The following MAP3K13 variants were observed in gnomAD, a reference collection of about 807,000 sequenced individuals.
MAP3K13 encodes the protein mitogen-activated protein kinase kinase kinase 13.
A neutral mutation model predicts 104.0 loss-of-function variants in MAP3K13; 52 were observed. That is an observed-to-expected ratio of 0.50 (90% confidence interval 0.40 to 0.63). The LOEUF (loss-of-function observed/expected upper bound fraction) is 0.63, where lower values mean the gene tolerates loss of function less well. Among genes scored for constraint, MAP3K13 ranks in the 20% least tolerant of loss-of-function variants. The pLI, the probability that MAP3K13 is intolerant of heterozygous loss-of-function variation, is 0.00. For missense variants in MAP3K13, 914 were observed against 1,218.5 expected, an observed-to-expected ratio of 0.75 and a Z score of 3.72; for synonymous variants, 394 against 442.2, an observed-to-expected ratio of 0.89 and a Z score of 1.37.
intron 2 of MAP3K13, among the ~76,000 whole-genome samples, chr3:185,335,160 T>C (rs1722436579): frequency 6.6e-6 from 1 of 152,186 alleles, no homozygotes. Context: ...TCTTAGGACC[T>C]TTAATATGTT....
At chr3:185,416,119 A>G (rs558672122) in intron 1 of MAP3K13, among the ~76,000 whole-genome samples, 1 of 152,192 alleles carries the variant, frequency 6.6e-6, no homozygotes, top group Non-Finnish European at 1.5e-5. Context: ...CTCACTGTTT[A>G]TTGATTCTTT....
At chr3:185,478,910 C>T (rs924456473) in intron 12 of MAP3K13, among the ~76,000 whole-genome samples, 1 of 151,516 alleles carries the variant, frequency 6.6e-6, no homozygotes, top group African/African-American at 2.4e-5. Context: ...AAACAAAACT[C>T]TTTAGACTAA....
At chr3:185,414,378 G>A (rs776422040) in intron 1 of MAP3K13, among the ~76,000 whole-genome samples, 4 of 152,148 alleles carry the variant, frequency 2.6e-5, no homozygotes, top group African/African-American at 7.2e-5. Flanking sequence ...GAGGCTAGAC[G>A]GTGGGAAAAG....
chr3:185,334,913 A>G (rs532025194), intron 2 of MAP3K13, among the ~76,000 whole-genome samples: 8 of 152,016 alleles, frequency 5.3e-5, no homozygotes, highest in Non-Finnish European at 1.0e-4. Flanking sequence ...CCAGCCAACA[A>G]ATGGATTTTC....
intron 7 of MAP3K13, among the ~76,000 whole-genome samples, chr3:185,455,831 A>AGATATATAT (rs1466937216): frequency 1.9e-4 from 19 of 99,896 alleles, no homozygotes; most frequent in Non-Finnish European, 2.6e-4. Context: ...GATATATATG[A>AGATATATAT]GATATATATA....
intron 1 of MAP3K13, among the ~76,000 whole-genome samples, chr3:185,382,776 C>T (rs1027433974): frequency 2.0e-5 from 3 of 152,044 alleles, no homozygotes; most frequent in Non-Finnish European, 2.9e-5. Flanking sequence ...TAGGCCGAGG[C>T]GGGTGGATCA....
At chr3:185,456,678 T>C (rs1230128526) in intron 7 of MAP3K13, among the ~76,000 whole-genome samples, 1 of 141,882 alleles carries the variant, frequency 7.0e-6, no homozygotes, top group Non-Finnish European at 1.5e-5. Flanking sequence ...CTCTGCTCAC[T>C]GCAGCCTCCA....
At chr3:185,427,324 A>G (rs1187488359) in intron 1 of MAP3K13, among the ~76,000 whole-genome samples, 1 of 152,074 alleles carries the variant, frequency 6.6e-6, no homozygotes, top group Non-Finnish European at 1.5e-5. Flanking sequence ...AGATCACACC[A>G]CTGTACTCCA....
chr3:185,416,893 GAGTAC>G (rs1713813343), intron 1 of MAP3K13, among the ~76,000 whole-genome samples: 1 of 151,922 alleles, frequency 6.6e-6, no homozygotes, highest in Non-Finnish European at 1.5e-5. Context: ...AAAGTGCTGG[GAGTAC>G]AGGCATGAGC....
intron 2 of MAP3K13, among the ~76,000 whole-genome samples, chr3:185,321,532 G>A (rs1193209031): frequency 6.6e-6 from 1 of 152,122 alleles, no homozygotes; most frequent in Non-Finnish European, 1.5e-5. Flanking sequence ...TGAATACAAA[G>A]TGTTTATTGT....
In MAP3K13 at chr3:185,423,803, G is replaced by C. The variant is rs1467941474; in HGVS notation, c.-85-4694G>C. 6.6e-6 allele frequency among the ~76,000 whole-genome samples: 1 copy of C among 152,160 alleles called. No homozygotes were observed. The highest frequency in any genetic ancestry group is 1.5e-5 in the Non-Finnish European group (1 of 68,022). On this transcript the variant is annotated intron_variant, in intron 1 of 13. Coordinates refer to ENST00000265026, the MANE Select transcript of MAP3K13 (RefSeq NM_004721.5). This position sits in a 1 kb window ranked among gnomAD's most constrained non-coding sequence, Gnocchi z 4.1. Reference sequence around the variant, plus strand: ...GCAGGAGTTACCCTTGCTGCACACTGCTCCCCCACATTAGCCACTGCTGTT... The same window carrying C: ...GCAGGAGTTACCCTTGCTGCACACTCCTCCCCCACATTAGCCACTGCTGTT...
chr3:185,408,341 G>A (rs917465675), intron 1 of MAP3K13, among the ~76,000 whole-genome samples: 17 of 152,114 alleles, frequency 1.1e-4, no homozygotes, highest in African/African-American at 4.1e-4. Context: ...GGAGGCTGAG[G>A]CGGGTGGATC....
At chr3:185,442,189 T>TAA (rs35886405) in intron 3 of MAP3K13, among the ~76,000 whole-genome samples, 2 of 144,698 alleles carry the variant, frequency 1.4e-5, no homozygotes, top group Admixed American at 6.9e-5. Context: ...GACTCTTTCT[T>TAA]AAAAAAAAAA....
chr3:185,296,341 C>T (rs1342349575), intron 2 of MAP3K13, among the ~76,000 whole-genome samples: 1 of 152,196 alleles, frequency 6.6e-6, no homozygotes, highest in East Asian at 1.9e-4. Context: ...TGATATGCCT[C>T]TGCTCTCTCC....
intron 2 of MAP3K13, among the ~76,000 whole-genome samples, chr3:185,304,577 T>A (rs1352669985): frequency 2.0e-5 from 3 of 152,166 alleles, no homozygotes; most frequent in African/African-American, 7.2e-5. Context: ...TCCTTCTTTG[T>A]CTCTTGACAA....
chr3:185,300,648 A>G (rs1721073153), intron 2 of MAP3K13, among the ~76,000 whole-genome samples: 2 of 151,892 alleles, frequency 1.3e-5, no homozygotes, highest in African/African-American at 4.8e-5. Flanking sequence ...GCCTGGCATC[A>G]CGCTGGCTAA....
chr3:185,363,940 T>G (rs1227532454), intron 1 of MAP3K13, among the ~76,000 whole-genome samples: 1 of 152,232 alleles, frequency 6.6e-6, no homozygotes, highest in Non-Finnish European at 1.5e-5. Flanking sequence ...TTTATATATA[T>G]TCATAGCTCT....
chr3:185,416,365 C>A (rs764107289), intron 1 of MAP3K13, among the ~76,000 whole-genome samples: 13 of 151,648 alleles, frequency 8.6e-5, no homozygotes, highest in Non-Finnish European at 1.5e-4. Context: ...ATTTGCATAG[C>A]TAACAAATAT....
intron 8 of MAP3K13, among the ~76,000 whole-genome samples, chr3:185,464,984 T>C (rs932689638): frequency 3.3e-5 from 5 of 152,006 alleles, no homozygotes; most frequent in African/African-American, 9.7e-5. Context: ...AGACCCCACC[T>C]ATTTATTTAT....
Sources: gnomAD v4.1 joint callset for allele counts (sites outside exome capture counted in the v4.1 genomes callset) on GRCh38, gnomAD v4.1.1 for gene constraint, Gnocchi (gnomAD v3.1) non-coding constraint, MANE v1.5 for transcripts, NCBI Gene and HGNC (gene_info 2026-07-23, HGNC 2026-07-21) for gene names.